Variants in UGT1A8 observed in about 807,000 individuals in gnomAD.
UGT1A8 encodes the protein UDP-glucuronosyltransferase 1A8.
A neutral mutation model predicts 45.3 loss-of-function variants in UGT1A8; 39 were observed. The ratio of observed to expected loss-of-function variants is 0.86; its 90% CI spans 0.67 to 1.12. UGT1A8 has a LOEUF of 1.12. UGT1A8 is among the 50% of genes most tolerant of loss of function. The pLI is 0.00. For synonymous variants in UGT1A8, 275 were observed against 249.2 expected (o/e 1.10, Z -0.97); for missense variants, 719 against 664.9 (o/e 1.08, Z -0.90).
chr2:233,718,621 T>C (rs1199442857), intron 1 of UGT1A8: 10 of 887,970 alleles, frequency 1.1e-5, no homozygotes, highest in Middle Eastern at 1.2e-3. Flanking sequence ...ATAGGCGTGA[T>C]TGGTCTTTCC....
intron 1 of UGT1A8, among the ~76,000 whole-genome samples, chr2:233,738,788 G>T (rs1333447117): frequency 6.6e-6 from 1 of 152,238 alleles, no homozygotes; most frequent in Admixed American, 6.5e-5. Flanking sequence ...ATTCAAGCCA[G>T]ATGCAGAAAT....
At chr2:233,724,150 G>A (rs2077177057) in intron 1 of UGT1A8, among the ~76,000 whole-genome samples, 3 of 120,556 alleles carry the variant, frequency 2.5e-5, no homozygotes, top group Non-Finnish European at 5.1e-5. Flanking sequence ...GCGGCTGGCC[G>A]GGTGGGGGGG....
chr2:233,750,221 T>C (rs1694392480), intron 1 of UGT1A8, among the ~76,000 whole-genome samples: 1 of 151,858 alleles, frequency 6.6e-6, no homozygotes, highest in Non-Finnish European at 1.5e-5. Context: ...CAGATGGAGA[T>C]GAGGAACTTA....
At chr2:233,695,664 CAT>C (rs1168310101) in intron 1 of UGT1A8, among the ~76,000 whole-genome samples, 1 of 151,980 alleles carries the variant, frequency 6.6e-6, no homozygotes, top group Non-Finnish European at 1.5e-5. Context: ...TAAATGAGAA[CAT>C]GTGGTATTTG....
intron 4 of UGT1A8, chr2:233,770,675 A>T (rs1188149827): frequency 6.6e-6 from 1 of 151,870 alleles, no homozygotes; most frequent in African/African-American, 2.4e-5. Flanking sequence ...AAAAAAAAAA[A>T]GAAGGTTCCA....
chr2:233,746,409 A>G (rs1367378593), intron 1 of UGT1A8, among the ~76,000 whole-genome samples: 2 of 151,722 alleles, frequency 1.3e-5, no homozygotes, highest in Non-Finnish European at 2.9e-5. Flanking sequence ...AGTGTGTCCA[A>G]TGGTGACCTA....
Position 233,695,363 on chromosome 2 carries a change from G to A in UGT1A8, c.856-71671G>A, listed in dbSNP as rs375614605. ...ATGGTCTCAATCTCTTGACCTCGTGGTCCGCCCACCCCAGCCTCCCAAAGT... is the reference window on the plus strand; with the variant it reads ...ATGGTCTCAATCTCTTGACCTCGTGATCCGCCCACCCCAGCCTCCCAAAGT... On this transcript the variant is annotated intron_variant, in intron 1 of 4. Coordinates refer to ENST00000373450, the MANE Select transcript of UGT1A8 (RefSeq NM_019076.5). Among the ~76,000 whole-genome samples the A allele has an allele frequency of 4.4e-3, 673 of 151,584 alleles. 7 individuals carry two copies. Among genetic ancestry groups the A allele is most frequent in the African/African-American group, 0.016 (648 of 41,388 alleles).
At chr2:233,643,770 G>A (rs1024521177) in intron 1 of UGT1A8, among the ~76,000 whole-genome samples, 9 of 152,124 alleles carry the variant, frequency 5.9e-5, no homozygotes, top group African/African-American at 1.2e-4. Context: ...GGCGATGAAC[G>A]CTGGCAGGAC....
At chr2:233,644,322 C>A (rs183551292) in intron 1 of UGT1A8, among the ~76,000 whole-genome samples, 10 of 152,276 alleles carry the variant, frequency 6.6e-5, no homozygotes, top group Admixed American at 6.5e-4. Context: ...AATCCCAGCA[C>A]TTAGGGAGGC....
chr2:233,641,780 T>G (rs1225579164), intron 1 of UGT1A8, among the ~76,000 whole-genome samples: 1 of 152,224 alleles, frequency 6.6e-6, no homozygotes, highest in East Asian at 1.9e-4. Context: ...AGATATACTA[T>G]TCTGGGGTAA....
intron 1 of UGT1A8, among the ~76,000 whole-genome samples, chr2:233,726,280 G>C (rs906128531): frequency 6.6e-6 from 1 of 152,198 alleles, no homozygotes; most frequent in Non-Finnish European, 1.5e-5. Context: ...ATGGTCCCAG[G>C]TACTTGGGAG....
In UGT1A8 at chr2:233,760,331, T is replaced by G. The variant is rs111033541; in HGVS notation, c.856-6703T>G. ...GGCGGACGCCCACTTGTCCTGGGCCTGCTGCTGTGTGTGCTGGGCCCAGTG... is the reference window on the plus strand; with the variant it reads ...GGCGGACGCCCACTTGTCCTGGGCCGGCTGCTGTGTGTGCTGGGCCCAGTG... On this transcript the variant is annotated intron_variant, in intron 1 of 4. Transcript: ENST00000373450. 1.9e-6 allele frequency: 3 copies of G among 1,614,080 alleles called. No individual in the cohort carries two copies. Among genetic ancestry groups the G allele is most frequent in the Non-Finnish European group, 2.5e-6 (3 of 1,179,954 alleles).
Position 233,637,021 on chromosome 2 carries a change from G to T in UGT1A8, c.855+18459G>T, listed in dbSNP as rs201239672. On this transcript the variant is annotated intron_variant, in intron 1 of 4. Transcript: ENST00000373450. ...TAAATATTTCTCCCTCCCCTCTGTG[G>T]TCTTCACCAGGGGAATATTTTGCCA... 58 of 1,613,934 alleles carry T rather than the reference G, an allele frequency of 3.6e-5. 1 individual carries two copies. In the Admixed American group the frequency reaches 8.3e-4, roughly 23 times the overall value.
intron 1 of UGT1A8, among the ~76,000 whole-genome samples, chr2:233,642,447 C>A (rs2073476254): frequency 6.6e-6 from 1 of 152,172 alleles, no homozygotes; most frequent in African/African-American, 2.4e-5. Context: ...CTTTGAGTTT[C>A]CTCAACACAG....
chr2:233,718,121 TG>T, intron 1 of UGT1A8: 1 of 289,636 alleles, frequency 3.5e-6, no homozygotes. Context: ...TCTTATTCCA[TG>T]GTGTAGATGG....
At chr2:233,720,954 GC>G (rs1192605512) in intron 1 of UGT1A8, among the ~76,000 whole-genome samples, 1 of 149,064 alleles carries the variant, frequency 6.7e-6, no homozygotes, top group Non-Finnish European at 1.5e-5. Flanking sequence ...CATGTGATCT[GC>G]CCGCCTCGGC....
In UGT1A8 at chr2:233,635,851, G is replaced by A. The variant is rs999540944; in HGVS notation, c.855+17289G>A. Among the ~76,000 whole-genome samples the A allele has an allele frequency of 4.6e-5, 7 of 151,082 alleles. No individual in the cohort carries two copies. The South Asian group carries it at 1.5e-3, about 32-fold the overall frequency. The stretch of plus-strand genomic sequence containing the variant: ...CTGGGCCAGCAACTCCCCACTGCAT[G>A]CAACGTATCTGAGGAAAGTCATTAA... On this transcript the variant is annotated intron_variant, in intron 1 of 4. Coordinates refer to ENST00000373450, the MANE Select transcript of UGT1A8 (RefSeq NM_019076.5).
At chr2:233,712,198 C>T (rs1297266940) in intron 1 of UGT1A8, among the ~76,000 whole-genome samples, 1 of 152,186 alleles carries the variant, frequency 6.6e-6, no homozygotes, top group Non-Finnish European at 1.5e-5. Flanking sequence ...TCCCCCGGTC[C>T]CTTGGTGAGC....
At chr2:233,717,672 G>C in intron 1 of UGT1A8, 1 of 421,080 alleles carries the variant, frequency 2.4e-6, no homozygotes, top group Admixed American at 2.5e-5. Flanking sequence ...GCAATCTTGC[G>C]AGCACATGTA....
Sources: gnomAD v4.1 joint callset for allele counts (sites outside exome capture counted in the v4.1 genomes callset) on GRCh38, gnomAD v4.1.1 for gene constraint, MANE v1.5 for transcripts, NCBI Gene and HGNC (gene_info 2026-07-23, HGNC 2026-07-21) for gene names.